OR2AK2: variants seen among roughly 807,000 people sequenced by gnomAD.
OR2AK2 encodes the protein olfactory receptor 2AK2.
For missense variants in OR2AK2, 392 were observed against 384.1 expected, an observed-to-expected ratio of 1.02 and a Z score of -0.17; for synonymous variants, 139 against 147.2, an observed-to-expected ratio of 0.94 and a Z score of 0.40.
chr1:247,965,301 A>G, exon 1 of OR2AK2: 1 of 1,457,984 alleles, frequency 6.9e-7, no homozygotes, highest in Non-Finnish European at 9.1e-7. Context: ...ATGTCATTTT[A>G]CTTTCTCTTA....
chr1:247,966,278 T>C lies in OR2AK2; in HGVS notation c.902T>C (p.Val301Ala), dbSNP rs936335800. 3.1e-6 allele frequency: 5 copies of C among 1,613,596 alleles called. No homozygotes were observed. In the Admixed American group the frequency reaches 8.3e-5, roughly 27 times the overall value. ...AGAAATAAGGAAGTGACGGGGGCAG[T>C]GAGGAGACTGTTGGGATATTGGATA... is the stretch of plus-strand genomic sequence containing the variant. Residue 301 changes from valine to alanine, a missense_variant, in exon 1 of 1, where the codon GTG becomes GCG. Transcript: ENST00000366480.
At chr1:247,966,303 A>G in exon 1 of OR2AK2, 1 of 1,613,480 alleles carries the variant, frequency 6.2e-7, no homozygotes, top group African/African-American at 1.3e-5. Flanking sequence ...GATATTGGAT[A>G]TGCTGTAGAA....
exon 1 of OR2AK2, chr1:247,966,162 A>G (rs1660967603): frequency 6.2e-7 from 1 of 1,614,026 alleles, no homozygotes; most frequent in Non-Finnish European, 8.5e-7. Flanking sequence ...ACACAAGGCC[A>G]CACTCCTTGC....
Position 247,965,578 on chromosome 1 carries a change from A to G in OR2AK2, c.202A>G (p.Ile68Val), listed in dbSNP as rs768257723. Residue 68 changes from isoleucine (I) to valine (V), a missense_variant, in exon 1 of 1, where the codon ATC becomes GTC. Ile to Val is a conservative substitution (Grantham distance 29, BLOSUM62 3). Transcript: ENST00000366480. ...GTACTTTCTGCTCAGTCAGCTCTCC[A>G]TCGTTGACCTCATGTACATCTCCAC... The G allele has an allele frequency of 3.1e-5, 50 of 1,597,882 alleles. No homozygotes were observed. The highest frequency in any genetic ancestry group is 2.1e-4 in the African/African-American group (16 of 74,528).
chr1:247,965,933 C>T, exon 1 of OR2AK2: 1 of 1,610,684 alleles, frequency 6.2e-7, no homozygotes, highest in South Asian at 1.1e-5. Context: ...GCTCTACTAT[C>T]ATTGGTGTGT....
At chr1:247,965,539 C>G (rs750171007) in exon 1 of OR2AK2, 5 of 1,612,338 alleles carry the variant, frequency 3.1e-6, no homozygotes, top group Non-Finnish European at 4.2e-6. Flanking sequence ...GAACACCAGA[C>G]TCCACACTCC....
At chr1:247,965,591 T>C in exon 1 of OR2AK2, 1 of 1,588,854 alleles carries the variant, frequency 6.3e-7, no homozygotes, top group South Asian at 1.2e-5. Flanking sequence ...GTTGACCTCA[T>C]GTACATCTCC....
chr1:247,966,296 A>G (rs1298692284), exon 1 of OR2AK2: 3 of 1,613,576 alleles, frequency 1.9e-6, no homozygotes, highest in South Asian at 2.2e-5. Flanking sequence ...CTGTTGGGAT[A>G]TTGGATATGC....
rs750582807 is a variant in OR2AK2, at chr1:247,965,332, A to G, written c.-45A>G. The stretch of plus-strand genomic sequence containing the variant: ...TCTTAAGGGAAGTCAACATTATTAC[A>G]TGAACATTTCAGATGTCATCTCCTT... On this transcript the variant is annotated 5_prime_UTR_variant, in exon 1 of 1. The change abolishes an upstream ATG in the 5' untranslated region. Coordinates refer to ENST00000366480, the Ensembl canonical transcript of OR2AK2. 5.8e-6 allele frequency: 9 copies of G among 1,551,612 alleles called. No homozygotes were observed. The highest frequency in any genetic ancestry group is 1.7e-4 in the Middle Eastern group (1 of 5,818).
exon 1 of OR2AK2, chr1:247,966,150 C>G: frequency 6.2e-7 from 1 of 1,614,162 alleles, no homozygotes; most frequent in Non-Finnish European, 8.5e-7. Context: ...CTCTCTTTAC[C>G]TACACAAGGC....
In OR2AK2 at chr1:247,965,288, G is replaced by T; in HGVS notation, c.-89G>T. On this transcript the variant is annotated 5_prime_UTR_variant, in exon 1 of 1. It removes an upstream start codon present in the reference 5' UTR. Coordinates refer to ENST00000366480, the Ensembl canonical transcript of OR2AK2. ...TGTAAGTGAATATTTATTTCTGAAT[G>T]CCATGTCATTTTACTTTCTCTTAAG... 1 of 1,394,410 alleles carries T rather than the reference G, an allele frequency of 7.2e-7. No homozygotes were observed. The highest frequency in any genetic ancestry group is 9.6e-7 in the Non-Finnish European group (1 of 1,039,612). 86.4% of individuals were successfully genotyped at this position (1,394,410 alleles called of 1,614,324 possible). A position where few individuals can be genotyped will look rare whatever the true frequency, so the allele number is the denominator to read the frequency against.
Position 247,965,802 on chromosome 1 carries a change from C to A in OR2AK2, c.426C>A (p.Cys142Ter). The A allele has an allele frequency of 6.2e-7, 1 of 1,607,388 alleles. No individual in the cohort carries two copies. The highest frequency in any genetic ancestry group is 8.5e-7 in the Non-Finnish European group (1 of 1,176,110). The change falls in exon 1 of 1, where the codon TGC (cysteine) becomes TGA (stop). Residue 142 changes from cysteine to a stop codon, truncating the protein, a stop_gained. Transcript: ENST00000366480. LOFTEE classifies it low-confidence loss of function (END_TRUNC). ...TGCTTATGAGCAAGAAGATCTGCTG[C>A]CTCATGGTTGCATGTGCATGGGCCA...
exon 1 of OR2AK2, chr1:247,965,518 C>G (rs1338205719): frequency 1.2e-6 from 2 of 1,613,128 alleles, no homozygotes; most frequent in Non-Finnish European, 1.7e-6. Flanking sequence ...GCTGATCCAC[C>G]TCATTCGACT....
exon 1 of OR2AK2, chr1:247,966,188 A>G: frequency 6.2e-7 from 1 of 1,614,016 alleles, no homozygotes; most frequent in Non-Finnish European, 8.5e-7. Flanking sequence ...CCTTCACGGG[A>G]TAAGGCGGTG....
At chr1:247,965,963 A>G in exon 1 of OR2AK2, 1 of 1,609,230 alleles carries the variant, frequency 6.2e-7, no homozygotes, top group Non-Finnish European at 8.5e-7. Context: ...TCCCAGTATG[A>G]GTATACAGTC....
chr1:247,965,234 G>T, exon 1 of OR2AK2: 1 of 980,912 alleles, frequency 1.0e-6, no homozygotes, highest in Non-Finnish European at 1.4e-6. Flanking sequence ...AGCACTTTGT[G>T]CTCTAAACAT....
chr1:247,966,213 C>T (rs1469803445), exon 1 of OR2AK2: 1 of 1,613,438 alleles, frequency 6.2e-7, no homozygotes, highest in African/African-American at 1.3e-5. Flanking sequence ...TATTTTACAC[C>T]ATTGTCACAC....
chr1:247,966,111 G>A (rs369499781), exon 1 of OR2AK2: 1 of 1,613,954 alleles, frequency 6.2e-7, no homozygotes, highest in Non-Finnish European at 8.5e-7. Flanking sequence ...CCTCCCACCT[G>A]ATTGTGGCAA....
chr1:247,965,590 A>C (rs1413344586), exon 1 of OR2AK2: 2 of 1,589,050 alleles, frequency 1.3e-6, no homozygotes, highest in Non-Finnish European at 1.7e-6. Context: ...CGTTGACCTC[A>C]TGTACATCTC....
Sources: gnomAD v4.1 joint callset for allele counts on GRCh38, gnomAD v4.1.1 for gene constraint, MANE v1.5 for transcripts, NCBI Gene and HGNC (gene_info 2026-07-23, HGNC 2026-07-21) for gene names.